The following NCAM2 variants were observed in gnomAD, a reference collection of about 807,000 sequenced individuals.
NCAM2 encodes the protein N-CAM-2.
NCAM2 carries 30 observed loss-of-function variants against 98.1 expected under a neutral mutation model. The observed-to-expected ratio is 0.31, with a 90% confidence interval of 0.23 to 0.41. The LOEUF (loss-of-function observed/expected upper bound fraction) is 0.41. Ranked by LOEUF, NCAM2 falls within the 10% of genes least tolerant of loss-of-function variation. The probability of loss-of-function intolerance (pLI) is 1.00; values close to 1 mark genes in which losing one functional copy is unlikely to be tolerated. For synonymous variants in NCAM2, 368 were observed against 342.4 expected, an observed-to-expected ratio of 1.07 and a Z score of -0.83; for missense variants, 867 against 1,005.8, an observed-to-expected ratio of 0.86 and a Z score of 1.87.
chr21:21,252,756 A>C (rs894823305), intron 1 of NCAM2, among the ~76,000 whole-genome samples: 1 of 152,114 alleles, frequency 6.6e-6, no homozygotes, highest in Non-Finnish European at 1.5e-5. Context: ...TCTCGTGTCA[A>C]ACCTCCAAAA....
chr21:21,284,314 A>G lies in NCAM2; in HGVS notation c.251A>G (p.Asn84Ser). 1 of 1,612,152 alleles carries G rather than the reference A, an allele frequency of 6.2e-7. No individual in the cohort carries two copies. Among genetic ancestry groups the G allele is most frequent in the Non-Finnish European group, 8.5e-7 (1 of 1,178,486 alleles). The change falls in exon 3 of 18, where the codon AAT (asparagine) becomes AGT (serine). Residue 84 changes from asparagine (N) to serine (S), a missense_variant. Asn to Ser is a conservative substitution (Grantham distance 46). This residue lies in a region of NCAM2 where 447 missense variants were observed against 495.7 expected (regional missense o/e 0.90). Transcript: ENST00000400546. ...TCACGGTTAACCATCTACAATGCAAATATAGAAGATGCAGGGATATATCGT... is the reference window on the plus strand; with the variant it reads ...TCACGGTTAACCATCTACAATGCAAGTATAGAAGATGCAGGGATATATCGT... The part of the protein sequence containing the change: ...VRSRLTIYNA[N>S]IEDAGIYRCQ...
chr21:21,226,432 C>G (rs1361520190), intron 1 of NCAM2, among the ~76,000 whole-genome samples: 1 of 152,106 alleles, frequency 6.6e-6, no homozygotes, highest in Admixed American at 6.6e-5. Flanking sequence ...TTTGAGTAAA[C>G]ACAACTAAGA....
At chr21:21,133,503 AG>A (rs369878849) in intron 1 of NCAM2, among the ~76,000 whole-genome samples, 162 of 152,332 alleles carry the variant, frequency 1.1e-3, no homozygotes, top group African/African-American at 3.7e-3. Flanking sequence ...AAGGAGGCAG[AG>A]GAGTACCAAA....
chr21:21,065,842 T>TA (rs1373763440), intron 1 of NCAM2, among the ~76,000 whole-genome samples: 1 of 152,144 alleles, frequency 6.6e-6, no homozygotes, highest in East Asian at 1.9e-4. Context: ...TTGAGCAAAT[T>TA]AGACAAGGGA....
intron 1 of NCAM2, among the ~76,000 whole-genome samples, chr21:21,113,002 C>A (rs1380733094): frequency 1.3e-5 from 2 of 152,054 alleles, no homozygotes; most frequent in African/African-American, 4.8e-5. Flanking sequence ...CACAAAACTT[C>A]GTCTTTTCCA....
chr21:21,496,209 G>T (rs1987223272), intron 15 of NCAM2, among the ~76,000 whole-genome samples: 2 of 151,728 alleles, frequency 1.3e-5, no homozygotes, highest in African/African-American at 4.8e-5. Context: ...TTCCTCAGTG[G>T]CTGGACTAAG....
At chr21:21,288,995 G>A (rs2073198511) in intron 4 of NCAM2, among the ~76,000 whole-genome samples, 1 of 151,858 alleles carries the variant, frequency 6.6e-6, no homozygotes, top group African/African-American at 2.4e-5. Flanking sequence ...CATTGTGGGA[G>A]TAAAGGTGAC....
intron 1 of NCAM2, among the ~76,000 whole-genome samples, chr21:21,019,948 G>T (rs1242636797): frequency 1.3e-5 from 2 of 152,066 alleles, no homozygotes; most frequent in African/African-American, 4.8e-5. Context: ...GGAATTGAGG[G>T]TAATTACTCA....
intron 8 of NCAM2, among the ~76,000 whole-genome samples, chr21:21,358,408 C>A (rs2075554184): frequency 6.6e-6 from 1 of 151,952 alleles, no homozygotes; most frequent in Non-Finnish European, 1.5e-5. Context: ...AGAAATGGTT[C>A]TTGTGTATAT....
At chr21:21,147,166 C>A (rs970027706) in intron 1 of NCAM2, 2 of 968,822 alleles carry the variant, frequency 2.1e-6, no homozygotes, top group Non-Finnish European at 2.4e-6. Flanking sequence ...TGTCCCACAC[C>A]GGAGCTGGTA....
chr21:21,274,804 A>C (rs2147456685), intron 1 of NCAM2, among the ~76,000 whole-genome samples: 1 of 152,268 alleles, frequency 6.6e-6, no homozygotes, highest in South Asian at 2.1e-4. Flanking sequence ...TTATCTCCAC[A>C]TGTCTTATGA....
At chr21:21,256,847 T>G (rs1441628496) in intron 1 of NCAM2, among the ~76,000 whole-genome samples, 2 of 152,200 alleles carry the variant, frequency 1.3e-5, no homozygotes, top group Non-Finnish European at 2.9e-5. Flanking sequence ...GAAATCCAGT[T>G]TCATAAAATG....
chr21:21,312,294 AAATT>A (rs537146016), intron 5 of NCAM2, among the ~76,000 whole-genome samples: 16 of 151,784 alleles, frequency 1.1e-4, no homozygotes, highest in South Asian at 6.2e-4. Context: ...TAAGTTGGAT[AAATT>A]AATTGAGTAT....
intron 1 of NCAM2, among the ~76,000 whole-genome samples, chr21:21,263,870 G>C (rs150651640): frequency 1.3e-5 from 2 of 152,112 alleles, no homozygotes; most frequent in Non-Finnish European, 2.9e-5. Context: ...GATGAATTAA[G>C]GACTTAAATA....
chr21:21,265,561 A>T (rs1260551818), intron 1 of NCAM2, among the ~76,000 whole-genome samples: 1 of 149,150 alleles, frequency 6.7e-6, no homozygotes, highest in Non-Finnish European at 1.5e-5. Flanking sequence ...GTATATATGT[A>T]TAAGTGGAAT....
At chr21:21,088,394 G>A (rs1181684072) in intron 1 of NCAM2, among the ~76,000 whole-genome samples, 4 of 152,122 alleles carry the variant, frequency 2.6e-5, no homozygotes, top group African/African-American at 9.7e-5. Context: ...TAAATTATAT[G>A]TAATTGTGTA....
At chr21:21,149,305 T>C (rs1331126153) in intron 1 of NCAM2, among the ~76,000 whole-genome samples, 2 of 152,198 alleles carry the variant, frequency 1.3e-5, no homozygotes, top group Non-Finnish European at 2.9e-5. Context: ...TTGGAGATAA[T>C]TGATATATTA....
At chr21:21,270,712 A>G (rs138896167) in intron 1 of NCAM2, among the ~76,000 whole-genome samples, 2 of 152,222 alleles carry the variant, frequency 1.3e-5, no homozygotes, top group African/African-American at 4.8e-5. Context: ...CCTTTCATAA[A>G]TATTTTCTTT....
chr21:21,021,949 A>G (rs2064446353), intron 1 of NCAM2, among the ~76,000 whole-genome samples: 1 of 152,118 alleles, frequency 6.6e-6, no homozygotes, highest in Non-Finnish European at 1.5e-5. Context: ...ATAGTTTTTG[A>G]AAAAATAAAT....
Sources: allele counts gnomAD v4.1 joint callset (sites outside exome capture counted in the v4.1 genomes callset), GRCh38; gene constraint gnomAD v4.1.1; regional missense constraint gnomAD v4.1.1; transcripts MANE v1.5; gene names NCBI Gene and HGNC (gene_info 2026-07-23, HGNC 2026-07-21).